The following HACD2 variants were observed in gnomAD, a reference collection of about 807,000 sequenced individuals.
HACD2 encodes the protein 3-hydroxyacyl-CoA dehydratase 2, also known as very-long-chain (3R)-3-hydroxyacyl-CoA dehydratase 2.
A neutral mutation model predicts 31.0 loss-of-function variants in HACD2; 15 were observed. The observed-to-expected ratio is 0.48, with a 90% CI of 0.32 to 0.75. HACD2 has a LOEUF of 0.75. Ranked by LOEUF, HACD2 falls within the 30% of genes least tolerant of loss-of-function variation. The pLI, the probability that HACD2 is intolerant of heterozygous loss-of-function variation, is 0.03. For missense variants in HACD2, 283 were observed against 313.0 expected (o/e 0.90, Z 0.72); for synonymous variants, 115 against 122.2 (o/e 0.94, Z 0.39).
At chr3:123,509,688 ATGGG>A (rs1370875864) in intron 4 of HACD2, among the ~76,000 whole-genome samples, 1 of 151,804 alleles carries the variant, frequency 6.6e-6, no homozygotes, top group Non-Finnish European at 1.5e-5. Context: ...TTTAGTAGAG[ATGGG>A]GTTTCACCGT....
chr3:123,527,913 G>T (rs1203985058), intron 4 of HACD2, among the ~76,000 whole-genome samples: 1 of 152,144 alleles, frequency 6.6e-6, no homozygotes, highest in African/African-American at 2.4e-5. Context: ...ATCCAGTGGG[G>T]GTTTTGGAAT....
At chr3:123,575,590 G>C (rs2056899807) in intron 2 of HACD2, among the ~76,000 whole-genome samples, 1 of 152,148 alleles carries the variant, frequency 6.6e-6, no homozygotes, top group Admixed American at 6.5e-5. Flanking sequence ...GTTACTCTTT[G>C]ATAACAGCTA....
intron 4 of HACD2, among the ~76,000 whole-genome samples, chr3:123,514,045 C>T (rs957067977): frequency 5.3e-5 from 8 of 152,100 alleles, no homozygotes; most frequent in African/African-American, 1.4e-4. Context: ...GAAGCTGAGG[C>T]GGGCGGATTG....
intron 2 of HACD2, among the ~76,000 whole-genome samples, chr3:123,569,157 C>T (rs2056826006): frequency 6.6e-6 from 1 of 152,008 alleles, no homozygotes; most frequent in African/African-American, 2.4e-5. Flanking sequence ...TGGTAACTGA[C>T]AGGAGAACAA....
intron 2 of HACD2, among the ~76,000 whole-genome samples, chr3:123,580,179 GA>G (rs2056950691): frequency 7.0e-6 from 1 of 143,854 alleles, no homozygotes; most frequent in African/African-American, 2.7e-5. Context: ...AAAAAAAAAA[GA>G]AAAAAGAAAG....
At chr3:123,544,127 G>A (rs2056526769) in intron 3 of HACD2, among the ~76,000 whole-genome samples, 1 of 152,170 alleles carries the variant, frequency 6.6e-6, no homozygotes, top group African/African-American at 2.4e-5. Context: ...TGGTGGCAGT[G>A]GTGGCGTTCC....
chr3:123,525,660 G>A (rs1012635327), intron 4 of HACD2, among the ~76,000 whole-genome samples: 2 of 152,180 alleles, frequency 1.3e-5, no homozygotes, highest in African/African-American at 2.4e-5. Flanking sequence ...GGTGGAGCAG[G>A]AGTCCAAATT....
At chr3:123,498,353 T>C (rs2055860151) in intron 6 of HACD2, among the ~76,000 whole-genome samples, 1 of 152,252 alleles carries the variant, frequency 6.6e-6, no homozygotes, top group Non-Finnish European at 1.5e-5. Flanking sequence ...AAGGGGGAAT[T>C]ACTTAAGGTA....
intron 1 of HACD2, among the ~76,000 whole-genome samples, chr3:123,583,143 A>G (rs898256568): frequency 2.0e-5 from 3 of 152,208 alleles, no homozygotes; most frequent in Non-Finnish European, 4.4e-5. Context: ...GACATCAAGT[A>G]AGAGTTTGTA....
At chr3:123,555,311 G>A (rs1022037294) in intron 3 of HACD2, among the ~76,000 whole-genome samples, 1 of 152,004 alleles carries the variant, frequency 6.6e-6, no homozygotes, top group Non-Finnish European at 1.5e-5. Context: ...GTTCAAAGAT[G>A]ATATGATTAT....
chr3:123,570,276 GAAGA>G (rs2056839977), intron 2 of HACD2, among the ~76,000 whole-genome samples: 1 of 152,018 alleles, frequency 6.6e-6, no homozygotes, highest in East Asian at 1.9e-4. Flanking sequence ...GATACACAAA[GAAGA>G]AATAAAGTAA....
chr3:123,504,868 C>G lies in HACD2; in HGVS notation c.382-2187G>C, dbSNP rs377288832. On this transcript the variant is annotated intron_variant, in intron 4 of 6. Coordinates refer to ENST00000383657, the MANE Select transcript of HACD2 (RefSeq NM_198402.5). ...ATGTGATTTATAGATAATTATACAA[C>G]CAATAACTCAAAATGGACAAATGCA... is the stretch of plus-strand genomic sequence containing the variant. Among the ~76,000 whole-genome samples, 4 of 117,768 alleles carry G rather than the reference C, an allele frequency of 3.4e-5. No homozygotes were observed. In the Admixed American group the frequency reaches 4.0e-4, roughly 12 times the overall value. The allele number at this position is 117,768 out of a possible 152,430, so 77.3% of individuals were successfully genotyped here.
chr3:123,577,424 A>G (rs146753973), intron 2 of HACD2, among the ~76,000 whole-genome samples: 4 of 152,094 alleles, frequency 2.6e-5, no homozygotes, highest in African/African-American at 9.7e-5. Flanking sequence ...GATCGAGACC[A>G]TCCTGGCTAA....
At chr3:123,527,055 C>CAATA (rs1448856546) in intron 4 of HACD2, among the ~76,000 whole-genome samples, 1 of 152,126 alleles carries the variant, frequency 6.6e-6, no homozygotes, top group Non-Finnish European at 1.5e-5. Flanking sequence ...TCATAGTGAA[C>CAATA]AATACTTTGA....
rs1011184831 is a variant in HACD2 at position 123,492,712 on chromosome 3, C to T, written c.*2176G>A. ...AATAAGGAGGCCCAAATAAAACCCC[C>T]AGTCCAGCAACCCTGGAAAAGCTGC... On this transcript the variant is annotated 3_prime_UTR_variant, in exon 7 of 7. Transcript: ENST00000383657. The T allele has an allele frequency of 6.6e-6, 1 of 152,178 alleles. No individual in the cohort carries two copies. The highest frequency in any genetic ancestry group is 1.5e-5 in the Non-Finnish European group (1 of 68,018). 9.4% of individuals were successfully genotyped at this position (152,178 alleles called of 1,614,324 possible).
intron 4 of HACD2, among the ~76,000 whole-genome samples, chr3:123,506,993 C>T (rs1413680557): frequency 6.6e-6 from 1 of 152,156 alleles, no homozygotes; most frequent in Non-Finnish European, 1.5e-5. Context: ...CTGAGTGGCT[C>T]TTGCCTATAA....
intron 3 of HACD2, among the ~76,000 whole-genome samples, chr3:123,557,354 C>T (rs956084201): frequency 2.6e-5 from 4 of 152,216 alleles, no homozygotes; most frequent in Non-Finnish European, 4.4e-5. Context: ...TTCACGAAAC[C>T]AGTCCCTGGT....
At chr3:123,529,691 C>T (rs2093376610) in intron 3 of HACD2, among the ~76,000 whole-genome samples, 1 of 152,154 alleles carries the variant, frequency 6.6e-6, no homozygotes, top group African/African-American at 2.4e-5. Context: ...CATGCCACTG[C>T]ACTCCAGCCT....
intron 4 of HACD2, among the ~76,000 whole-genome samples, chr3:123,528,044 A>G (rs1015670031): frequency 2.6e-5 from 4 of 152,198 alleles, no homozygotes; most frequent in Admixed American, 6.5e-5. Context: ...AGATTGCTTG[A>G]GCTCAGGAGT....
Sources: gnomAD v4.1 joint callset for allele counts (sites outside exome capture counted in the v4.1 genomes callset) on GRCh38, gnomAD v4.1.1 for gene constraint, MANE v1.5 for transcripts, NCBI Gene and HGNC (gene_info 2026-07-23, HGNC 2026-07-21) for gene names.